The following TMEM131 variants were observed in gnomAD, a reference collection of about 807,000 sequenced individuals.
The protein encoded by TMEM131 is 2610524E03Rik.
A neutral mutation model predicts 211.6 loss-of-function variants in TMEM131; 66 were observed. That is an observed-to-expected ratio of 0.31 (90% CI 0.26 to 0.38). The LOEUF (loss-of-function observed/expected upper bound fraction) is 0.38. Among genes scored for constraint, TMEM131 ranks in the 10% least tolerant of loss-of-function variants. The pLI, the probability that TMEM131 is intolerant of heterozygous loss-of-function variation, is 1.00. For synonymous variants in TMEM131, 844 were observed against 841.3 expected (o/e 1.00, Z -0.06); for missense variants, 2,036 against 2,299.3 (o/e 0.89, Z 2.34).
chr2:97,796,696 A>G, intron 27 of TMEM131, 148 bp downstream of exon 27: 1 of 855,134 alleles, frequency 1.2e-6, no homozygotes, highest in Non-Finnish European at 1.8e-6. Context: ...AAACAACTCT[A>G]AACACAACAT....
intron 1 of TMEM131, among the ~76,000 whole-genome samples, chr2:97,946,763 G>C (rs1678062020): frequency 6.6e-6 from 1 of 151,788 alleles, no homozygotes. Flanking sequence ...AAACAAATAA[G>C]GGTATTAAAA....
chr2:97,903,962 C>T (rs1471248507), intron 3 of TMEM131, among the ~76,000 whole-genome samples: 1 of 152,108 alleles, frequency 6.6e-6, no homozygotes, highest in Admixed American at 6.6e-5. Flanking sequence ...CGTGCCCAGG[C>T]CCATCTGGGT....
intron 1 of TMEM131, among the ~76,000 whole-genome samples, chr2:97,953,661 T>A (rs1234743702): frequency 6.6e-6 from 1 of 152,102 alleles, no homozygotes; most frequent in African/African-American, 2.4e-5. Flanking sequence ...ACCAACAGGA[T>A]CTAAAAGACA....
intron 3 of TMEM131, among the ~76,000 whole-genome samples, chr2:97,903,827 G>A (rs1158559475): frequency 6.6e-6 from 1 of 151,980 alleles, no homozygotes; most frequent in East Asian, 1.9e-4. Context: ...GGGATTACAG[G>A]CGCATTTTGT....
intron 31 of TMEM131, among the ~76,000 whole-genome samples, chr2:97,777,832 C>T (rs1292523960): frequency 1.3e-5 from 2 of 151,786 alleles, no homozygotes; most frequent in Non-Finnish European, 1.5e-5. Context: ...CAAACCAAGC[C>T]AAACCAAGCC....
intron 35 of TMEM131, chr2:97,763,208 T>TCTGGCGTTGTTTTA: frequency 6.6e-6 from 1 of 152,646 alleles, no homozygotes. Context: ...TCACACCCTG[T>TCTGGCGTTGTTTTA]AGCACAAGCT....
chr2:97,800,313 T>G (rs1488934489), intron 25 of TMEM131, among the ~76,000 whole-genome samples: 2 of 152,194 alleles, frequency 1.3e-5, no homozygotes, highest in African/African-American at 4.8e-5. Flanking sequence ...ATTTCTGACG[T>G]CTAGAGTACT....
At chr2:97,778,535 A>T (rs1679839690) in intron 31 of TMEM131, among the ~76,000 whole-genome samples, 1 of 151,854 alleles carries the variant, frequency 6.6e-6, no homozygotes, top group Non-Finnish European at 1.5e-5. Flanking sequence ...TGGGTGACAG[A>T]GCAAGACTTC....
chr2:97,759,553 G>T, intron 39 of TMEM131, 99 bp downstream of exon 39: 2 of 1,050,600 alleles, frequency 1.9e-6, no homozygotes, highest in Non-Finnish European at 2.9e-6. Context: ...CTCTTCCACA[G>T]TGCTGCTGTG....
chr2:97,963,549 T>C (rs35098301), intron 1 of TMEM131, among the ~76,000 whole-genome samples: 50,760 of 151,956 alleles, frequency 0.33, 9,323 homozygotes, highest in Non-Finnish European at 0.39. Flanking sequence ...ACCCTGTCTC[T>C]ACTAAAATTA....
Position 97,995,474 on chromosome 2 carries a change from A to T in TMEM131, c.187+2T>A. 1 of 1,401,290 alleles carries T rather than the reference A, an allele frequency of 7.1e-7. No individual in the cohort carries two copies. The highest frequency in any genetic ancestry group is 1.5e-5 in the South Asian group (1 of 65,186). 86.8% of individuals were successfully genotyped at this position (1,401,290 alleles called of 1,614,324 possible). A position where few individuals can be genotyped will look rare whatever the true frequency, so the allele number is the denominator to read the frequency against. On this transcript the variant is annotated splice_donor_variant, in intron 1 of 40. Coordinates refer to ENST00000186436, the MANE Select transcript of TMEM131 (RefSeq NM_015348.2). LOFTEE classifies it high-confidence loss of function. ...GCAGGGACGCCGCCGGGGGACACCC[A>T]CCTTCCTTCTCGGCCCGCGCCGCAG...
rs74537577 is a variant in TMEM131 at position 97,765,532 on chromosome 2, C to T, written c.4723+582G>A. On this transcript the variant is annotated intron_variant, in intron 35 of 40. Transcript: ENST00000186436. ...GCTCCCTTTTCTGGTCTCTGTTGCCCCCTATTTCAGGTCAAGTGTCTGTAG... is the reference window on the plus strand; with the variant it reads ...GCTCCCTTTTCTGGTCTCTGTTGCCTCCTATTTCAGGTCAAGTGTCTGTAG... 3.5e-3 allele frequency among the ~76,000 whole-genome samples: 526 copies of T among 152,256 alleles called. 8 individuals carry two copies. The East Asian group carries it at 0.042, about 12-fold the overall frequency.
chr2:97,798,780 T>A (rs946512513), intron 25 of TMEM131, among the ~76,000 whole-genome samples: 10 of 152,246 alleles, frequency 6.6e-5, no homozygotes, highest in Non-Finnish European at 1.2e-4. Context: ...TTAACTGCTA[T>A]TTTTTTCCTT....
intron 5 of TMEM131, among the ~76,000 whole-genome samples, chr2:97,847,809 T>A (rs571568911): frequency 1.3e-5 from 2 of 152,222 alleles, no homozygotes; most frequent in Non-Finnish European, 2.9e-5. Context: ...TATAAGATGT[T>A]AACATCAGAA....
At chr2:97,907,352 A>G (rs1676117603) in intron 3 of TMEM131, 1 of 152,230 alleles carries the variant, frequency 6.6e-6, no homozygotes, top group African/African-American at 2.4e-5. Context: ...AAGAGAAAAA[A>G]TAGTGAATAC....
rs773544149 is a variant in TMEM131, at chr2:97,805,227, A to T, written c.2285-22T>A. 1.9e-6 allele frequency: 3 copies of T among 1,600,894 alleles called. No individual in the cohort carries two copies. The East Asian group carries it at 6.7e-5, about 36-fold the overall frequency. ...TCAGCTAAAACAAGGAAACATACTT[A>T]ACCTGCATCTATACTCACTTGTCAA... is the stretch of plus-strand genomic sequence containing the variant. On this transcript the variant is annotated intron_variant, in intron 21 of 40. Coordinates refer to ENST00000186436, the MANE Select transcript of TMEM131 (RefSeq NM_015348.2).
At chr2:97,955,682 C>G (rs1345061994) in intron 1 of TMEM131, among the ~76,000 whole-genome samples, 1 of 151,928 alleles carries the variant, frequency 6.6e-6, no homozygotes, top group Non-Finnish European at 1.5e-5. Flanking sequence ...AAGTTAAAAA[C>G]AAGACACTAT....
intron 30 of TMEM131, 38 bp downstream of exon 30, chr2:97,793,357 T>G: frequency 6.4e-7 from 1 of 1,568,272 alleles, no homozygotes; most frequent in Non-Finnish European, 8.7e-7. Flanking sequence ...GCCAAATCTA[T>G]GTACACTAGG....
intron 29 of TMEM131, among the ~76,000 whole-genome samples, chr2:97,794,288 G>A (rs1298252078): frequency 1.3e-5 from 2 of 151,918 alleles, no homozygotes; most frequent in Non-Finnish European, 1.5e-5. Context: ...TGCCCGCCTC[G>A]GCCTCCCAAA....
Sources: gnomAD v4.1 joint callset for allele counts (sites outside exome capture counted in the v4.1 genomes callset) on GRCh38, gnomAD v4.1.1 for gene constraint, MANE v1.5 for transcripts, NCBI Gene and HGNC (gene_info 2026-07-23, HGNC 2026-07-21) for gene names.